Variants in PTPRD observed in about 807,000 individuals in gnomAD.
PTPRD encodes protein tyrosine phosphatase receptor type D.
PTPRD carries 34 observed loss-of-function variants against 214.5 expected under a neutral mutation model. The ratio of observed to expected loss-of-function variants is 0.16; its 90% confidence interval spans 0.12 to 0.21. The LOEUF is 0.21. PTPRD is among the 10% of genes least tolerant of loss of function. The probability of loss-of-function intolerance (pLI) is 1.00; values close to 1 mark genes in which losing one functional copy is unlikely to be tolerated. For synonymous variants in PTPRD, 1,128 were observed against 845.7 expected (o/e 1.33, Z -5.79); for missense variants, 2,545 against 2,398.7 (o/e 1.06, Z -1.27).
chr9:8,712,774 A>G (rs2098368961), intron 12 of PTPRD, among the ~76,000 whole-genome samples: 1 of 152,134 alleles, frequency 6.6e-6, no homozygotes, highest in South Asian at 2.1e-4. Context: ...GCTGGAGTGC[A>G]GTGGCACGAT....
intron 40 of PTPRD, 78 bp from the exon 41 acceptor site, chr9:8,341,346 AG>A: frequency 7.1e-7 from 1 of 1,416,538 alleles, no homozygotes; most frequent in Non-Finnish European, 9.5e-7. Context: ...AGTGTACCCC[AG>A]ATTTCCCTTT....
chr9:9,859,521 A>G lies in PTPRD; in HGVS notation c.-368+78986T>C, dbSNP rs116991158. On this transcript the variant is annotated intron_variant, in intron 5 of 45. Coordinates refer to ENST00000381196, the MANE Select transcript of PTPRD (RefSeq NM_002839.4). Reference sequence around the variant, plus strand: ...TTATCCTGAGCCAAATTGCACCAAAATAAGTTTATAATAATGATTTAGATT... The same window carrying G: ...TTATCCTGAGCCAAATTGCACCAAAGTAAGTTTATAATAATGATTTAGATT... Among the ~76,000 whole-genome samples, 34 of 152,322 alleles carry G rather than the reference A, an allele frequency of 2.2e-4. 1 individual carries two copies. In the East Asian group the frequency reaches 6.4e-3, roughly 28 times the overall value.
chr9:9,219,129 G>A (rs910133820), intron 9 of PTPRD, among the ~76,000 whole-genome samples: 2 of 152,010 alleles, frequency 1.3e-5, no homozygotes, highest in African/African-American at 4.8e-5. Flanking sequence ...ATCCTTTTTA[G>A]ATTTCAATGT....
intron 7 of PTPRD, among the ~76,000 whole-genome samples, chr9:9,663,416 T>A (rs906204595): frequency 5.9e-5 from 9 of 151,654 alleles, no homozygotes; most frequent in African/African-American, 2.2e-4. Context: ...GTGACTACAG[T>A]ATCTTCATAA....
intron 5 of PTPRD, among the ~76,000 whole-genome samples, chr9:9,768,254 A>G (rs577970458): frequency 3.9e-5 from 6 of 152,302 alleles, no homozygotes; most frequent in African/African-American, 1.4e-4. Flanking sequence ...TTTCATGTAC[A>G]ATGAAGCAGT....
intron 9 of PTPRD, among the ~76,000 whole-genome samples, chr9:9,229,495 A>T (rs372585434): frequency 7.9e-5 from 12 of 152,172 alleles, no homozygotes; most frequent in African/African-American, 2.6e-4. Flanking sequence ...AACCACAAAA[A>T]AGCATCCAAT....
intron 20 of PTPRD, among the ~76,000 whole-genome samples, chr9:8,520,625 C>A (rs2138781872): frequency 6.6e-6 from 1 of 152,224 alleles, no homozygotes; most frequent in African/African-American, 2.4e-5. Flanking sequence ...AAACGGTACC[C>A]TTACATGCTT....
intron 11 of PTPRD, among the ~76,000 whole-genome samples, chr9:8,744,460 C>G (rs2092546492): frequency 6.6e-6 from 1 of 152,176 alleles, no homozygotes. Flanking sequence ...CGGAATATGA[C>G]TAAGCCATAA....
intron 11 of PTPRD, among the ~76,000 whole-genome samples, chr9:8,770,480 C>T (rs1386491555): frequency 6.6e-6 from 1 of 152,022 alleles, no homozygotes; most frequent in African/African-American, 2.4e-5. Context: ...TCATTTTTCT[C>T]TCATTAAATA....
intron 9 of PTPRD, among the ~76,000 whole-genome samples, chr9:9,366,535 GA>G (rs2057931807): frequency 6.6e-6 from 1 of 151,602 alleles, no homozygotes; most frequent in South Asian, 2.1e-4. Flanking sequence ...TAGGGTTTGA[GA>G]AAGCACTAGC....
At position 9,117,917 on chromosome 9, in the gene PTPRD, G is replaced by A. The variant is rs144514432; in HGVS notation, c.-143+65387C>T. Among the ~76,000 whole-genome samples, 54 of 152,198 alleles carry A rather than the reference G, an allele frequency of 3.5e-4. 1 individual carries two copies. Among genetic ancestry groups the A allele is most frequent in the African/African-American group, 1.3e-3 (52 of 41,516 alleles). ...TGAAGGGATGGATCCAGGTTTTGTG[G>A]CATCTGAAGTTTACACGATGTTGAT... On this transcript the variant is annotated intron_variant, in intron 10 of 45. Coordinates refer to ENST00000381196, the MANE Select transcript of PTPRD (RefSeq NM_002839.4).
chr9:9,740,989 C>T (rs2098393222), intron 6 of PTPRD, among the ~76,000 whole-genome samples: 1 of 152,118 alleles, frequency 6.6e-6, no homozygotes, highest in Non-Finnish European at 1.5e-5. Flanking sequence ...ACTAGAATTT[C>T]AGACGCGATT....
chr9:9,219,975 C>T (rs961915000), intron 9 of PTPRD, among the ~76,000 whole-genome samples: 6 of 152,098 alleles, frequency 3.9e-5, no homozygotes, highest in Non-Finnish European at 8.8e-5. Context: ...GGACTTTTCA[C>T]AGTGATATAC....
intron 32 of PTPRD, among the ~76,000 whole-genome samples, chr9:8,465,110 T>C (rs768557854): frequency 5.3e-5 from 8 of 151,948 alleles, no homozygotes; most frequent in Non-Finnish European, 1.2e-4. Flanking sequence ...GTCTCCTTTT[T>C]TGGACAACAG....
intron 30 of PTPRD, among the ~76,000 whole-genome samples, chr9:8,473,120 T>C (rs899945310): frequency 5.9e-5 from 9 of 152,164 alleles, no homozygotes; most frequent in African/African-American, 2.2e-4. Context: ...GTTAAAGAGC[T>C]TGTCAAACTT....
chr9:8,767,884 G>T (rs62528807), intron 11 of PTPRD, among the ~76,000 whole-genome samples: 1 of 152,154 alleles, frequency 6.6e-6, no homozygotes, highest in Non-Finnish European at 1.5e-5. Flanking sequence ...ACCCACTGCT[G>T]TGTATGGGAA....
At chr9:10,161,907 A>G (rs1302815985) in intron 3 of PTPRD, among the ~76,000 whole-genome samples, 1 of 151,852 alleles carries the variant, frequency 6.6e-6, no homozygotes, top group Admixed American at 6.6e-5. Flanking sequence ...TTCTCAAAAG[A>G]AAACATACAA....
chr9:9,004,708 G>A (rs1377945764), intron 11 of PTPRD, among the ~76,000 whole-genome samples: 2 of 152,036 alleles, frequency 1.3e-5, no homozygotes, highest in Non-Finnish European at 2.9e-5. Context: ...GGGCAAAACT[G>A]CCTGTATACC....
At chr9:9,046,067 A>G (rs551968551) in intron 10 of PTPRD, among the ~76,000 whole-genome samples, 155 of 152,302 alleles carry the variant, frequency 1.0e-3, no homozygotes, top group African/African-American at 3.5e-3. Flanking sequence ...TTATCTTAAC[A>G]TAACACTCAT....
Sources: allele counts gnomAD v4.1 joint callset (sites outside exome capture counted in the v4.1 genomes callset), GRCh38; gene constraint gnomAD v4.1.1; transcripts MANE v1.5; gene names NCBI Gene and HGNC (gene_info 2026-07-23, HGNC 2026-07-21).